The following TNIK variants were observed in gnomAD, a reference collection of about 807,000 sequenced individuals.
TNIK encodes the protein TRAF2 and NCK interacting kinase, also known as TRAF2 and NCK-interacting protein kinase.
Under a neutral mutation model 191.3 loss-of-function variants are expected in TNIK, and 49 were observed. The observed-to-expected ratio is 0.26, with a 90% CI of 0.20 to 0.32. The LOEUF (loss-of-function observed/expected upper bound fraction) is 0.32, where lower values mean the gene tolerates loss of function less well. TNIK is among the 10% of genes least tolerant of loss of function. The pLI is 1.00. For synonymous variants in TNIK, 594 were observed against 600.9 expected, an observed-to-expected ratio of 0.99 and a Z score of 0.17; for missense variants, 1,155 against 1,702.3, an observed-to-expected ratio of 0.68 and a Z score of 5.66.
chr3:171,219,701 C>T (rs1170486346), intron 3 of TNIK, among the ~76,000 whole-genome samples: 1 of 152,166 alleles, frequency 6.6e-6, no homozygotes, highest in East Asian at 1.9e-4. Context: ...GATACCATCT[C>T]ATGCCAGTTA....
chr3:171,067,880 C>T (rs538660451), intron 30 of TNIK, among the ~76,000 whole-genome samples: 4 of 152,216 alleles, frequency 2.6e-5, no homozygotes, highest in African/African-American at 7.2e-5. Flanking sequence ...CTTGTGTTCA[C>T]CCACATCCAC....
intron 8 of TNIK, 29 bp from the exon 9 acceptor site, chr3:171,175,359 A>G: frequency 6.3e-7 from 1 of 1,585,892 alleles, no homozygotes; most frequent in Non-Finnish European, 8.6e-7. Flanking sequence ...AGGGCCAGCT[A>G]CAGTTAGGAG....
At chr3:171,227,807 A>G (rs902908705) in intron 3 of TNIK, among the ~76,000 whole-genome samples, 1 of 152,128 alleles carries the variant, frequency 6.6e-6, no homozygotes, top group African/African-American at 2.4e-5. Flanking sequence ...ATTTTTTTTG[A>G]CTAACAGTGG....
At chr3:171,182,389 A>T (rs538967132) in intron 7 of TNIK, among the ~76,000 whole-genome samples, 1 of 152,160 alleles carries the variant, frequency 6.6e-6, no homozygotes, top group Non-Finnish European at 1.5e-5. Flanking sequence ...AAATGCTCCA[A>T]TTACCACTGG....
At chr3:171,089,144 C>T (rs1466586591) in intron 23 of TNIK, among the ~76,000 whole-genome samples, 1 of 152,180 alleles carries the variant, frequency 6.6e-6, no homozygotes, top group Non-Finnish European at 1.5e-5. Flanking sequence ...TGAGAGATAA[C>T]TGGAAAGCCT....
In TNIK at chr3:171,096,826, C is replaced by T. The variant is rs138734719; in HGVS notation, c.2592-2858G>A. On this transcript the variant is annotated intron_variant, in intron 22 of 32. Transcript: ENST00000436636. ...AGCACATAATAAATGTTTATTAAAT[C>T]GCTGAAGATCTTGGGTCAAGGGCTT... Among the ~76,000 whole-genome samples, 7 of 152,234 alleles carry T rather than the reference C, an allele frequency of 4.6e-5. No individual in the cohort carries two copies. The East Asian group carries it at 7.7e-4, about 17-fold the overall frequency.
intron 2 of TNIK, among the ~76,000 whole-genome samples, chr3:171,280,151 C>A (rs1274172172): frequency 2.0e-5 from 3 of 152,200 alleles, no homozygotes; most frequent in East Asian, 1.9e-4. Flanking sequence ...GGGCACCACA[C>A]CCCATATCAC....
At chr3:171,412,375 T>C (rs905766973) in intron 1 of TNIK, among the ~76,000 whole-genome samples, 1 of 152,184 alleles carries the variant, frequency 6.6e-6, no homozygotes, top group South Asian at 2.1e-4. Context: ...GTGCACAAAC[T>C]GAAATGAATT....
intron 1 of TNIK, among the ~76,000 whole-genome samples, chr3:171,385,269 C>A (rs1265481603): frequency 6.6e-6 from 1 of 151,866 alleles, no homozygotes; most frequent in East Asian, 1.9e-4. Flanking sequence ...ACCAGCTGGG[C>A]CCTAGAAGAA....
intron 18 of TNIK, among the ~76,000 whole-genome samples, chr3:171,115,858 C>A (rs1269790309): frequency 1.3e-5 from 2 of 152,176 alleles, no homozygotes; most frequent in African/African-American, 4.8e-5. Context: ...CAGTGATGTC[C>A]TGTGTGAAAA....
intron 15 of TNIK, among the ~76,000 whole-genome samples, chr3:171,137,119 T>TTTC (rs1447081062): frequency 1.4e-5 from 2 of 147,284 alleles, no homozygotes; most frequent in African/African-American, 5.0e-5. Flanking sequence ...TTTTTTTTTT[T>TTTC]TTTTTTTTTT....
At chr3:171,334,280 T>C (rs1217544980) in intron 2 of TNIK, among the ~76,000 whole-genome samples, 3 of 152,216 alleles carry the variant, frequency 2.0e-5, no homozygotes, top group African/African-American at 4.8e-5. Flanking sequence ...CTCTCCTCTC[T>C]GTTCACACAC....
At chr3:171,162,093 T>C (rs1461973250) in intron 10 of TNIK, among the ~76,000 whole-genome samples, 3 of 152,096 alleles carry the variant, frequency 2.0e-5, no homozygotes, top group Admixed American at 6.5e-5. Context: ...TTTTGCTAAG[T>C]GCAACAAAGA....
intron 2 of TNIK, among the ~76,000 whole-genome samples, chr3:171,319,953 A>C (rs1755007850): frequency 6.6e-6 from 1 of 152,184 alleles, no homozygotes. Context: ...GCCCTCACCC[A>C]ATCTTGGAGG....
chr3:171,079,260 C>T (rs1229330519), intron 28 of TNIK, among the ~76,000 whole-genome samples: 1 of 152,086 alleles, frequency 6.6e-6, no homozygotes, highest in Non-Finnish European at 1.5e-5. Context: ...TTATTCTTTT[C>T]TTGTCATTTT....
At chr3:171,451,266 C>T (rs140693242) in intron 1 of TNIK, among the ~76,000 whole-genome samples, 1 of 152,316 alleles carries the variant, frequency 6.6e-6, no homozygotes, top group African/African-American at 2.4e-5. Flanking sequence ...TATGAGGATG[C>T]TCAAGCAACC....
chr3:171,418,902 G>A (rs1577864732), intron 1 of TNIK, among the ~76,000 whole-genome samples: 1 of 152,128 alleles, frequency 6.6e-6, no homozygotes. Context: ...CTCAGATCGT[G>A]GTCCAGCTAG....
At chr3:171,381,916 T>G (rs1718077365) in intron 1 of TNIK, among the ~76,000 whole-genome samples, 1 of 152,214 alleles carries the variant, frequency 6.6e-6, no homozygotes, top group South Asian at 2.1e-4. Context: ...AAGATTGTTA[T>G]AGCGGAACAA....
intron 1 of TNIK, among the ~76,000 whole-genome samples, chr3:171,441,496 TTATTGCCTAATAGTATTC>T (rs1437679933): frequency 6.6e-6 from 1 of 152,246 alleles, no homozygotes; most frequent in Non-Finnish European, 1.5e-5. Flanking sequence ...TCCTTCATTT[TTATTGCCTAATAGTATTC>T]TATTGTATGA....
Sources: gnomAD v4.1 joint callset for allele counts (sites outside exome capture counted in the v4.1 genomes callset) on GRCh38, gnomAD v4.1.1 for gene constraint, MANE v1.5 for transcripts, NCBI Gene and HGNC (gene_info 2026-07-23, HGNC 2026-07-21) for gene names.